The following HIVEP3 variants were observed in gnomAD, a reference collection of about 807,000 sequenced individuals.
HIVEP3 encodes the protein transcription factor HIVEP3.
HIVEP3 carries 49 observed loss-of-function variants against 152.8 expected under a neutral mutation model. That is an observed-to-expected ratio of 0.32 (90% CI 0.26 to 0.41). The LOEUF is 0.41. Among genes scored for constraint, HIVEP3 ranks in the 10% least tolerant of loss-of-function variants. HIVEP3 has a pLI of 1.00. For missense variants in HIVEP3, 2,790 were observed against 3,103.3 expected, an observed-to-expected ratio of 0.90 and a Z score of 2.40; for synonymous variants, 1,269 against 1,289.0, an observed-to-expected ratio of 0.98 and a Z score of 0.33.
In HIVEP3 at chr1:41,506,925, T is replaced by C. The variant is rs1644389212; in HGVS notation, c.*3526A>G. The C allele has an allele frequency of 6.6e-6, 1 of 151,888 alleles. No individual in the cohort carries two copies. Among genetic ancestry groups the C allele is most frequent in the African/African-American group, 2.4e-5 (1 of 41,328 alleles). The allele number at this position is 151,888 out of a possible 1,614,324, so 9.4% of individuals were successfully genotyped here. ...TCTTTTCTTTCTTTCTTTTTTTACATACTAGATTTATTAAAGTGACCATAA... is the reference window on the plus strand; with the variant it reads ...TCTTTTCTTTCTTTCTTTTTTTACACACTAGATTTATTAAAGTGACCATAA... On this transcript the variant is annotated 3_prime_UTR_variant, in exon 9 of 9. Coordinates refer to ENST00000372583, the MANE Select transcript of HIVEP3 (RefSeq NM_024503.5).
At chr1:41,908,491 G>A (rs1404721393) in intron 1 of HIVEP3, among the ~76,000 whole-genome samples, 1 of 152,150 alleles carries the variant, frequency 6.6e-6, no homozygotes, top group Non-Finnish European at 1.5e-5. Context: ...TAGTATCATT[G>A]AATGAATCAT....
intron 1 of HIVEP3, among the ~76,000 whole-genome samples, chr1:41,903,564 G>A (rs911825623): frequency 6.6e-6 from 1 of 152,248 alleles, no homozygotes; most frequent in African/African-American, 2.4e-5. Context: ...CTCCTCAGGA[G>A]GGACCAAGAC....
At chr1:41,840,738 T>TGCCA (rs1358428636) in intron 1 of HIVEP3, among the ~76,000 whole-genome samples, 2 of 152,126 alleles carry the variant, frequency 1.3e-5, no homozygotes, top group African/African-American at 4.8e-5. Flanking sequence ...ATCCTGGCCG[T>TGCCA]GCCAGCCAGC....
At chr1:41,936,773 A>G (rs973384209) in intron 1 of HIVEP3, among the ~76,000 whole-genome samples, 2 of 152,188 alleles carry the variant, frequency 1.3e-5, no homozygotes, top group Non-Finnish European at 2.9e-5. Context: ...ATCAGTACCC[A>G]TGATGGTTTT....
At chr1:41,752,344 A>C (rs1647180566) in intron 1 of HIVEP3, among the ~76,000 whole-genome samples, 1 of 152,162 alleles carries the variant, frequency 6.6e-6, no homozygotes, top group Non-Finnish European at 1.5e-5. Flanking sequence ...CCTCTGTGCC[A>C]AGCAGCTCAG....
intron 3 of HIVEP3, 125 bp downstream of exon 3, chr1:41,628,624 A>T (rs1037213812): frequency 6.4e-6 from 5 of 785,150 alleles, no homozygotes; most frequent in Non-Finnish European, 8.6e-6. Context: ...GAGGCACCAG[A>T]AAGGCAACGA....
intron 2 of HIVEP3, among the ~76,000 whole-genome samples, chr1:41,641,976 C>T (rs1645380669): frequency 2.0e-5 from 3 of 152,208 alleles, no homozygotes; most frequent in Non-Finnish European, 4.4e-5. Flanking sequence ...ATGACAGTGG[C>T]GCCTACCTGG....
intron 1 of HIVEP3, among the ~76,000 whole-genome samples, chr1:41,904,214 G>T (rs1449030396): frequency 6.6e-6 from 1 of 151,956 alleles, no homozygotes; most frequent in Non-Finnish European, 1.5e-5. Context: ...TTTTCTGATT[G>T]GCAGCAGCAG....
chr1:41,866,165 G>C (rs987124049), intron 1 of HIVEP3, among the ~76,000 whole-genome samples: 5 of 152,212 alleles, frequency 3.3e-5, no homozygotes, highest in South Asian at 2.1e-4. Context: ...TGGTCAAAGT[G>C]GGGGGTGCAG....
In HIVEP3 at chr1:42,006,235, T is replaced by G. The variant is rs112940940; in HGVS notation, n.119+29572A>C. Among the ~76,000 whole-genome samples, 9 of 151,582 alleles carry G rather than the reference T, an allele frequency of 5.9e-5. 1 individual carries two copies. The highest frequency in any genetic ancestry group is 2.2e-4 in the African/African-American group (9 of 41,236). ...TGTGCATGTGTTGCATGTGTTGGTG[T>G]GAGGGGTGGAGGGTGGGGGGAGGCT... On this transcript the variant is annotated intron_variant and non_coding_transcript_variant, in intron 1 of 3. Coordinates refer to the HIVEP3 transcript ENST00000489103.
intron 1 of HIVEP3, among the ~76,000 whole-genome samples, chr1:41,756,301 T>C (rs1212709677): frequency 1.3e-5 from 2 of 152,210 alleles, no homozygotes; most frequent in Non-Finnish European, 2.9e-5. Context: ...AGTATGACTA[T>C]AAAGAGGAGC....
intron 3 of HIVEP3, among the ~76,000 whole-genome samples, chr1:41,608,917 C>CA (rs35714997): frequency 0.084 from 10,405 of 123,492 alleles, 455 homozygotes; most frequent in Non-Finnish European, 0.1. Flanking sequence ...CTAAAAATAC[C>CA]AAAAAAAAAA....
intron 5 of HIVEP3, among the ~76,000 whole-genome samples, chr1:41,568,051 A>G (rs1328060918): frequency 1.3e-5 from 2 of 152,228 alleles, no homozygotes; most frequent in African/African-American, 2.4e-5. Flanking sequence ...CCTTCATTTA[A>G]TAGATATTCC....
In HIVEP3 at chr1:41,510,980, T is replaced by TC; in HGVS notation, c.6691dup (p.Asp2231GlyfsTer18). 1 of 1,613,374 alleles carries TC rather than the reference T, an allele frequency of 6.2e-7. No homozygotes were observed. The highest frequency in any genetic ancestry group is 8.5e-7 in the Non-Finnish European group (1 of 1,179,794). ...CTGGGCCTCCCGGGCCCCTGTCAGG[T>TC]CGCTGCCACCCCCGGAGAAGCCACT... On this transcript the variant is annotated frameshift_variant, in exon 9 of 9. Coordinates refer to ENST00000372583, the MANE Select transcript of HIVEP3 (RefSeq NM_024503.5). LOFTEE classifies it high-confidence loss of function.
At chr1:41,574,877 G>A (rs780268139) in intron 5 of HIVEP3, among the ~76,000 whole-genome samples, 4 of 152,198 alleles carry the variant, frequency 2.6e-5, no homozygotes, top group Admixed American at 6.5e-5. Flanking sequence ...CACAAAGCAC[G>A]TCTGAAACAC....
chr1:41,935,792 C>T (rs1645017400), intron 1 of HIVEP3, among the ~76,000 whole-genome samples: 1 of 148,308 alleles, frequency 6.7e-6, no homozygotes, highest in Admixed American at 6.8e-5. Flanking sequence ...CTACAACTAA[C>T]TCTAAGAATA....
At chr1:41,608,130 G>A (rs1007944366) in intron 3 of HIVEP3, among the ~76,000 whole-genome samples, 4 of 152,198 alleles carry the variant, frequency 2.6e-5, no homozygotes, top group African/African-American at 4.8e-5. Flanking sequence ...AGGGCTTCCC[G>A]TGAGGTGTCT....
At chr1:41,729,145 G>C (rs1646801275) in intron 1 of HIVEP3, among the ~76,000 whole-genome samples, 1 of 152,224 alleles carries the variant, frequency 6.6e-6, no homozygotes, top group Non-Finnish European at 1.5e-5. Context: ...TCCATTCAGG[G>C]AGTCCACCTC....
intron 2 of HIVEP3, among the ~76,000 whole-genome samples, chr1:41,640,113 G>A (rs1645349573): frequency 6.6e-6 from 1 of 152,166 alleles, no homozygotes; most frequent in African/African-American, 2.4e-5. Context: ...AAAGTTCATG[G>A]TTTTCAGGCA....
Sources: allele counts gnomAD v4.1 joint callset (sites outside exome capture counted in the v4.1 genomes callset), GRCh38; gene constraint gnomAD v4.1.1; transcripts MANE v1.5; gene names NCBI Gene and HGNC (gene_info 2026-07-23, HGNC 2026-07-21).